The following STON1 variants were observed in gnomAD, a reference collection of about 807,000 sequenced individuals.
STON1 encodes the protein stonin 1.
Under a neutral mutation model 60.9 loss-of-function variants are expected in STON1, and 79 were observed. The ratio of observed to expected loss-of-function variants is 1.30; its 90% CI spans 1.08 to 1.56. The LOEUF (loss-of-function observed/expected upper bound fraction) is 1.56. Ranked by LOEUF, STON1 falls within the 40% of genes most tolerant of loss-of-function variation. The probability of loss-of-function intolerance (pLI) is 0.00; values close to 1 mark genes in which losing one functional copy is unlikely to be tolerated. For missense variants in STON1, 1,166 were observed against 858.9 expected (o/e 1.36, Z -4.47); for synonymous variants, 363 against 306.9 (o/e 1.18, Z -1.91).
At chr2:48,562,133 T>G (rs905944337) in intron 1 of STON1, among the ~76,000 whole-genome samples, 3 of 152,230 alleles carry the variant, frequency 2.0e-5, no homozygotes, top group African/African-American at 7.2e-5. Context: ...AGTGCTGGGA[T>G]TACAGGTGTG....
At chr2:48,560,212 G>C (rs1333402723) in intron 1 of STON1, among the ~76,000 whole-genome samples, 3 of 152,132 alleles carry the variant, frequency 2.0e-5, no homozygotes, top group Non-Finnish European at 4.4e-5. Context: ...CTTCAGGAAG[G>C]ACAGTGGACC....
rs553790083 is a variant in STON1, at chr2:48,579,995, C to T, written c.-47-592C>T. The stretch of plus-strand genomic sequence containing the variant: ...TATCTCAGCTCACTGCAACCTCTGC[C>T]TCCCAGGTTCAAGAGATTCTCCTGA... On this transcript the variant is annotated intron_variant, in intron 1 of 3. Coordinates refer to ENST00000404752, the MANE Select transcript of STON1 (RefSeq NM_006873.4). Among the ~76,000 whole-genome samples the T allele has an allele frequency of 6.6e-5, 10 of 152,332 alleles. No individual in the cohort carries two copies. In the South Asian group the frequency reaches 2.1e-3, roughly 32 times the overall value.
rs563611904 is a variant in STON1, at chr2:48,555,383, C to T, written c.-48+25167C>T. Among the ~76,000 whole-genome samples, 65 of 56,698 alleles carry T rather than the reference C, an allele frequency of 1.1e-3. 1 individual carries two copies. The highest frequency in any genetic ancestry group is 4.0e-3 in the African/African-American group (61 of 15,236). The allele number at this position is 56,698 out of a possible 152,430, so 37.2% of individuals were successfully genotyped here. Reference sequence around the variant, plus strand: ...GCCGGGCAGAGGGGCTCCTCACTTCCCAGTAGGGGCGGCCGGGCAGAGGCG... The same window carrying T: ...GCCGGGCAGAGGGGCTCCTCACTTCTCAGTAGGGGCGGCCGGGCAGAGGCG... On this transcript the variant is annotated intron_variant, in intron 1 of 3. Transcript: ENST00000404752.
intron 1 of STON1, among the ~76,000 whole-genome samples, chr2:48,579,397 A>C (rs1673743342): frequency 6.6e-6 from 1 of 151,536 alleles, no homozygotes; most frequent in African/African-American, 2.4e-5. Context: ...GTTCCCTGTG[A>C]GTACTGTTTT....
chr2:48,596,246 C>G lies in STON1; in HGVS notation c.*944C>G, dbSNP rs576240082. 3.4e-4 allele frequency: 52 copies of G among 152,218 alleles called. No homozygotes were observed. The highest frequency in any genetic ancestry group is 3.4e-3 in the Admixed American group (52 of 15,284). The allele number at this position is 152,218 out of a possible 1,614,324, so 9.4% of individuals were successfully genotyped here. ...AGTTCTGCTATCATGCTGTTTTATG[C>G]TAATTCTGCTTATTTTAGAGTATTT... On this transcript the variant is annotated 3_prime_UTR_variant, in exon 4 of 4. Transcript: ENST00000404752.
At position 48,581,884 on chromosome 2, in the gene STON1, G is replaced by A; in HGVS notation, c.1251G>A (p.Leu417=). ...KKNYEEQEIS[L]EIVDNFWGKV... Reference sequence around the variant, plus strand: ...ACTACGAGGAGCAAGAAATTTCCTTGGAAATTGTGGACAACTTTTGGGGTA... The same window carrying A: ...ACTACGAGGAGCAAGAAATTTCCTTAGAAATTGTGGACAACTTTTGGGGTA... The change falls in exon 2 of 4, where the codon TTG becomes TTA. Residue 417 remains leucine, a synonymous_variant. Coordinates refer to ENST00000404752, the MANE Select transcript of STON1 (RefSeq NM_006873.4). 1 of 1,613,974 alleles carries A rather than the reference G, an allele frequency of 6.2e-7. No individual in the cohort carries two copies. Among genetic ancestry groups the A allele is most frequent in the Non-Finnish European group, 8.5e-7 (1 of 1,180,004 alleles).
In STON1 at chr2:48,597,561, C is replaced by T. The variant is rs1674835199; in HGVS notation, c.*2259C>T. Reference sequence around the variant, plus strand: ...ACTAGTATCTGTGGGTACCTCCCTGCCCAGGTTATTCACTCACAAGCCACC... The same window carrying T: ...ACTAGTATCTGTGGGTACCTCCCTGTCCAGGTTATTCACTCACAAGCCACC... On this transcript the variant is annotated 3_prime_UTR_variant, in exon 4 of 4. Transcript: ENST00000404752. 1 of 152,446 alleles carries T rather than the reference C, an allele frequency of 6.6e-6. No homozygotes were observed. The highest frequency in any genetic ancestry group is 1.5e-5 in the Non-Finnish European group (1 of 68,052). The allele number at this position is 152,446 out of a possible 1,614,324, so 9.4% of individuals were successfully genotyped here.
chr2:48,558,252 C>T (rs1672466150), intron 1 of STON1, among the ~76,000 whole-genome samples: 1 of 152,156 alleles, frequency 6.6e-6, no homozygotes, highest in Non-Finnish European at 1.5e-5. Flanking sequence ...AAAAATCTTT[C>T]TCTATTTTGA....
At chr2:48,591,463 T>C (rs1674507176) in intron 2 of STON1, among the ~76,000 whole-genome samples, 190 bp from the exon 3 acceptor site, 1 of 152,174 alleles carries the variant, frequency 6.6e-6, no homozygotes, top group Non-Finnish European at 1.5e-5. Flanking sequence ...TACTTAAAAA[T>C]GGCAGACAGC....
At chr2:48,554,718 T>A (rs776975629) in intron 1 of STON1, among the ~76,000 whole-genome samples, 24,457 of 72,500 alleles carry the variant, frequency 0.34, 6,518 homozygotes, top group Non-Finnish European at 0.37. Flanking sequence ...TTTTTTTTTT[T>A]TTTTTTTATT....
rs569173572 is a variant in STON1, at chr2:48,533,895, G to A, written c.-48+3679G>A. ...AGCGATTCTCCTGCCTCAGCCACCC[G>A]AGTACCTGGGATTACAGGCATGTGC... is the stretch of plus-strand genomic sequence containing the variant. On this transcript the variant is annotated intron_variant, in intron 1 of 3. Transcript: ENST00000404752. 2.4e-3 allele frequency among the ~76,000 whole-genome samples: 369 copies of A among 150,824 alleles called. 1 individual carries two copies. The highest frequency in any genetic ancestry group is 8.4e-3 in the African/African-American group (345 of 41,128).
At chr2:48,560,089 C>G (rs945502752) in intron 1 of STON1, among the ~76,000 whole-genome samples, 3 of 152,168 alleles carry the variant, frequency 2.0e-5, no homozygotes, top group African/African-American at 4.8e-5. Context: ...AGATAAATTA[C>G]TTGACCAATT....
At chr2:48,593,906 T>A (rs569657211) in intron 3 of STON1, among the ~76,000 whole-genome samples, 2 of 152,152 alleles carry the variant, frequency 1.3e-5, no homozygotes, top group African/African-American at 4.8e-5. Context: ...AGGATGTATT[T>A]CCCCAGCAGG....
chr2:48,551,770 T>C (rs369487696), intron 1 of STON1, among the ~76,000 whole-genome samples: 11 of 152,344 alleles, frequency 7.2e-5, no homozygotes, highest in South Asian at 2.1e-4. Context: ...CAAACATTGA[T>C]TGGACTCCAG....
intron 1 of STON1, among the ~76,000 whole-genome samples, chr2:48,570,701 G>T (rs1384467326): frequency 6.6e-6 from 1 of 152,024 alleles, no homozygotes; most frequent in African/African-American, 2.4e-5. Flanking sequence ...TGAAGAAAAT[G>T]TCTAATAGTC....
At chr2:48,549,401 C>T (rs1558581499) in intron 1 of STON1, among the ~76,000 whole-genome samples, 1 of 152,114 alleles carries the variant, frequency 6.6e-6, no homozygotes, top group Admixed American at 6.6e-5. Flanking sequence ...CACAAACCTT[C>T]CATGGAACTA....
chr2:48,547,239 C>T (rs983914116), intron 1 of STON1, among the ~76,000 whole-genome samples: 1 of 152,168 alleles, frequency 6.6e-6, no homozygotes, highest in Non-Finnish European at 1.5e-5. Context: ...ATATTTAATG[C>T]CCATTGAACA....
rs757147651 is a variant in STON1, at chr2:48,581,461, G to A, written c.828G>A (p.Trp276Ter). Reference protein sequence around the residue: ...TLFRSQPKSGWSFMLRIPEKK... With the variant: ...TLFRSQPKSG ...TCAGGAGTCAGCCAAAATCCGGATG[G>A]TCTTTCATGCTGAGAATTCCTGAGA... The change falls in exon 2 of 4, where the codon TGG becomes TGA. Residue 276 changes from tryptophan (W) to a stop codon, truncating the protein, a stop_gained. Transcript: ENST00000404752. LOFTEE classifies it high-confidence loss of function. The A allele has an allele frequency of 5.0e-6, 8 of 1,614,090 alleles. No homozygotes were observed. Among genetic ancestry groups the A allele is most frequent in the South Asian group, 1.1e-5 (1 of 91,088 alleles).
Position 48,581,586 on chromosome 2 carries a change from C to T in STON1, c.953C>T (p.Pro318Leu), listed in dbSNP as rs1288570166. 6.2e-7 allele frequency: 1 copy of T among 1,614,188 alleles called. No individual in the cohort carries two copies. Among genetic ancestry groups the T allele is most frequent in the South Asian group, 1.1e-5 (1 of 91,080 alleles). Residue 318 changes from proline (P) to leucine (L), a missense_variant, in exon 2 of 4, where the codon CCA becomes CTA. Coordinates refer to ENST00000404752, the MANE Select transcript of STON1 (RefSeq NM_006873.4). The part of the protein sequence containing the change: ...QMYYEQGLEK[P>L]FKEIQLDPYC... Reference sequence around the variant, plus strand: ...TATTATGAACAGGGATTAGAAAAACCATTTAAAGAGATACAGCTTGATCCA... The same window carrying T: ...TATTATGAACAGGGATTAGAAAAACTATTTAAAGAGATACAGCTTGATCCA...
Sources: allele counts gnomAD v4.1 joint callset (sites outside exome capture counted in the v4.1 genomes callset), GRCh38; gene constraint gnomAD v4.1.1; transcripts MANE v1.5; gene names NCBI Gene and HGNC (gene_info 2026-07-23, HGNC 2026-07-21).